The following FOXJ3 variants were observed in gnomAD, a reference collection of about 807,000 sequenced individuals.
The protein encoded by FOXJ3 is forkhead box J3, also known as forkhead box protein J3.
In FOXJ3, 22 loss-of-function variants were observed where a neutral mutation model predicts 76.1. That is an observed-to-expected ratio of 0.29 (90% CI 0.21 to 0.41). The LOEUF (loss-of-function observed/expected upper bound fraction) is 0.41. Ranked by LOEUF, FOXJ3 falls within the 10% of genes least tolerant of loss-of-function variation. The pLI is 1.00. For missense variants in FOXJ3, 613 were observed against 762.1 expected (o/e 0.80, Z 2.30); for synonymous variants, 269 against 261.2 (o/e 1.03, Z -0.29).
In FOXJ3 at chr1:42,177,677, C is replaced by T. The variant is rs868671132; in HGVS notation, c.*2033G>A. On this transcript the variant is annotated 3_prime_UTR_variant, in exon 13 of 13. Transcript: ENST00000361346. ...GTCCAAACAACAGAGAAACATAAAG[C>T]TCTTCCTTTCTCCCCAACCTCACCA... 1 of 152,458 alleles carries T rather than the reference C, an allele frequency of 6.6e-6. No individual in the cohort carries two copies. The highest frequency in any genetic ancestry group is 1.5e-5 in the Non-Finnish European group (1 of 68,014). The allele number at this position is 152,458 out of a possible 1,614,324, so 9.4% of individuals were successfully genotyped here. A position where few individuals can be genotyped will look rare whatever the true frequency, so the allele number is the denominator to read the frequency against.
chr1:42,313,484 G>T (rs1222935098), intron 1 of FOXJ3, among the ~76,000 whole-genome samples: 1 of 152,054 alleles, frequency 6.6e-6, no homozygotes, highest in East Asian at 1.9e-4. Flanking sequence ...ATTCCCACAG[G>T]TAAGATCTCA....
chr1:42,264,915 A>G (rs1045619698), intron 4 of FOXJ3, 200 bp downstream of exon 4: 1 of 519,576 alleles, frequency 1.9e-6, no homozygotes, highest in African/African-American at 2.0e-5. Context: ...ACAGCAAAGT[A>G]CAACAGCACT....
At chr1:42,262,186 G>A (rs1651091979) in intron 4 of FOXJ3, among the ~76,000 whole-genome samples, 1 of 152,192 alleles carries the variant, frequency 6.6e-6, no homozygotes. Context: ...AATGGATGAA[G>A]AGACATTCCT....
chr1:42,261,562 T>C (rs1482306862), intron 4 of FOXJ3, among the ~76,000 whole-genome samples: 2 of 152,136 alleles, frequency 1.3e-5, no homozygotes, highest in Admixed American at 6.5e-5. Context: ...AAGGAATAGA[T>C]AGCCACATAA....
At chr1:42,239,717 T>C (rs771957168) in intron 4 of FOXJ3, among the ~76,000 whole-genome samples, 16 of 152,348 alleles carry the variant, frequency 1.1e-4, no homozygotes, top group Non-Finnish European at 1.9e-4. Flanking sequence ...GCCAGACTTA[T>C]GAAGTATTTG....
At chr1:42,190,218 T>C (rs562436119) in intron 9 of FOXJ3, among the ~76,000 whole-genome samples, 1 of 152,340 alleles carries the variant, frequency 6.6e-6, no homozygotes, top group East Asian at 1.9e-4. Flanking sequence ...AAATTCTTCA[T>C]TTCAGTGACT....
intron 3 of FOXJ3, among the ~76,000 whole-genome samples, chr1:42,276,949 A>T (rs1489898372): frequency 6.6e-6 from 1 of 152,192 alleles, no homozygotes; most frequent in East Asian, 1.9e-4. Context: ...GTCCTAAAGC[A>T]ATCCTCTTGC....
intron 2 of FOXJ3, among the ~76,000 whole-genome samples, chr1:42,305,214 T>C (rs554835140): frequency 1.3e-5 from 2 of 152,178 alleles, no homozygotes; most frequent in African/African-American, 2.4e-5. Flanking sequence ...CCAGATAAAA[T>C]GGCTTTTATC....
intron 5 of FOXJ3, among the ~76,000 whole-genome samples, chr1:42,210,133 C>T (rs2124352297): frequency 6.6e-6 from 1 of 152,322 alleles, no homozygotes; most frequent in Non-Finnish European, 1.5e-5. Flanking sequence ...ATTTGCTACA[C>T]CCGATGCCCC....
rs550894195 is a variant in FOXJ3 at position 42,315,737 on chromosome 1, A to T, written c.-17-4627T>A. ...TTCACATTGAAGTCAGGAAATTTCA[A>T]AGTCCTCCAAGTCACAAACAAATCT... On this transcript the variant is annotated intron_variant, in intron 1 of 12. Transcript: ENST00000361346. Among the ~76,000 whole-genome samples the T allele has an allele frequency of 3.6e-4, 55 of 152,354 alleles. No homozygotes were observed. In the Middle Eastern group the frequency reaches 0.01, roughly 28 times the overall value.
chr1:42,235,724 G>A (rs755139550), intron 4 of FOXJ3, among the ~76,000 whole-genome samples: 8 of 151,986 alleles, frequency 5.3e-5, no homozygotes, highest in Admixed American at 1.3e-4. Context: ...CACCACACCC[G>A]GATAATTTTC....
At chr1:42,249,199 A>C (rs1163952486) in intron 4 of FOXJ3, among the ~76,000 whole-genome samples, 2 of 152,172 alleles carry the variant, frequency 1.3e-5, no homozygotes, top group African/African-American at 4.8e-5. Context: ...TGCTGCAATA[A>C]ACATACATGT....
intron 3 of FOXJ3, among the ~76,000 whole-genome samples, chr1:42,268,264 T>C (rs1191950441): frequency 1.3e-5 from 2 of 151,966 alleles, no homozygotes; most frequent in Non-Finnish European, 2.9e-5. Flanking sequence ...CAGTGGACTT[T>C]TCAAAAACTA....
chr1:42,270,194 T>C (rs1339395096), intron 3 of FOXJ3, among the ~76,000 whole-genome samples: 1 of 152,146 alleles, frequency 6.6e-6, no homozygotes, highest in East Asian at 1.9e-4. Flanking sequence ...ATCTACTCAG[T>C]TTTCAATTCA....
intron 4 of FOXJ3, among the ~76,000 whole-genome samples, chr1:42,229,828 T>C (rs1647918167): frequency 6.6e-6 from 1 of 152,158 alleles, no homozygotes; most frequent in Non-Finnish European, 1.5e-5. Flanking sequence ...AAAAATAAAG[T>C]AGCAGAGAAA....
At chr1:42,189,446 G>A in intron 9 of FOXJ3, 42 bp from the exon 10 acceptor site, 2 of 1,404,382 alleles carry the variant, frequency 1.4e-6, no homozygotes, top group East Asian at 2.3e-5. Context: ...GATGGTGAAA[G>A]GGTGAAGTGT....
chr1:42,193,755 A>C (rs917980664), intron 8 of FOXJ3, among the ~76,000 whole-genome samples: 1 of 152,150 alleles, frequency 6.6e-6, no homozygotes, highest in African/African-American at 2.4e-5. Flanking sequence ...GTGAACATGG[A>C]AACTTTCTGA....
chr1:42,315,032 C>T (rs1230626438), intron 1 of FOXJ3, among the ~76,000 whole-genome samples: 2 of 152,210 alleles, frequency 1.3e-5, no homozygotes, highest in African/African-American at 4.8e-5. Context: ...CTTTTACATG[C>T]TACCACATAA....
Position 42,304,293 on chromosome 1 carries a change from A to G in FOXJ3, c.44+6757T>C, listed in dbSNP as rs536631922. ...GAAAGATAGTCCACGTTCATGGAGTAGAAGAACCAATATTGTTAAAATGTA... is the reference window on the plus strand; with the variant it reads ...GAAAGATAGTCCACGTTCATGGAGTGGAAGAACCAATATTGTTAAAATGTA... On this transcript the variant is annotated intron_variant, in intron 2 of 12. Transcript: ENST00000361346. Among the ~76,000 whole-genome samples, 4 of 152,272 alleles carry G rather than the reference A, an allele frequency of 2.6e-5. No individual in the cohort carries two copies. The East Asian group carries it at 7.7e-4, about 29-fold the overall frequency.
Sources: gnomAD v4.1 joint callset for allele counts (sites outside exome capture counted in the v4.1 genomes callset) on GRCh38, gnomAD v4.1.1 for gene constraint, MANE v1.5 for transcripts, NCBI Gene and HGNC (gene_info 2026-07-23, HGNC 2026-07-21) for gene names.